Variants in FGF12 observed in about 807,000 individuals in gnomAD.
FGF12 encodes the protein fibroblast growth factor 12B.
A neutral mutation model predicts 23.6 loss-of-function variants in FGF12; 14 were observed. The observed-to-expected ratio is 0.59, with a 90% CI of 0.39 to 0.93. The LOEUF is 0.93. Among genes scored for constraint, FGF12 ranks in the 40% least tolerant of loss-of-function variants. The pLI is 0.00. For synonymous variants in FGF12, 62 were observed against 77.3 expected (o/e 0.80, Z 1.04); for missense variants, 175 against 217.8 (o/e 0.80, Z 1.24).
intron 2 of FGF12, among the ~76,000 whole-genome samples, chr3:192,394,809 A>G (rs1720451055): frequency 6.6e-6 from 1 of 152,252 alleles, no homozygotes; most frequent in Non-Finnish European, 1.5e-5. Flanking sequence ...AGACTTATTT[A>G]ATGCTGCTAT....
At chr3:192,231,260 C>T (rs1298961413) in intron 4 of FGF12, among the ~76,000 whole-genome samples, 1 of 151,884 alleles carries the variant, frequency 6.6e-6, no homozygotes, top group African/African-American at 2.4e-5. Flanking sequence ...TCTGAAAATG[C>T]CTATTTAGAT....
intron 4 of FGF12, among the ~76,000 whole-genome samples, chr3:192,189,862 T>C (rs1373819944): frequency 6.6e-6 from 1 of 152,180 alleles, no homozygotes; most frequent in Non-Finnish European, 1.5e-5. Context: ...CAAAGAGGAT[T>C]CTGGTTTGGC....
chr3:192,184,267 C>T lies in FGF12; in HGVS notation c.229-13611G>A, dbSNP rs1716335904. Among the ~76,000 whole-genome samples, 3 of 152,154 alleles carry T rather than the reference C, an allele frequency of 2.0e-5. 1 individual carries two copies. Among genetic ancestry groups the T allele is most frequent in the Admixed American group, 2.0e-4 (3 of 15,280 alleles). ...TTTTACTTTTAATTCAGCATATTTT[C>T]CATTAATCAAATGACTGACCAATGT... On this transcript the variant is annotated intron_variant, in intron 4 of 5. Transcript: ENST00000445105.
At chr3:192,621,283 T>G (rs1201239650) in intron 2 of FGF12, among the ~76,000 whole-genome samples, 2 of 152,222 alleles carry the variant, frequency 1.3e-5, no homozygotes, top group African/African-American at 4.8e-5. Flanking sequence ...TATAATTTAT[T>G]TTCTGTCCAG....
rs1294093587 is a variant in FGF12, at chr3:192,408,991, CGCGGG to C, written c.14-48458_14-48454del. On this transcript the variant is annotated intron_variant, in intron 2 of 5. Transcript: ENST00000445105. This position sits in a 1 kb window ranked among gnomAD's most constrained non-coding sequence, Gnocchi z 7.3. ...CGGTTACCCGGAGTCTGGGTAGGGG[CGCGGG>C]GCGGGGGCAGCTGTTTCCAGCTGCG... 2 of 978,132 alleles carry C rather than the reference CGCGGG, an allele frequency of 2.0e-6. No individual in the cohort carries two copies. Among genetic ancestry groups the C allele is most frequent in the Non-Finnish European group, 2.4e-6 (2 of 827,722 alleles). 60.6% of individuals were successfully genotyped at this position (978,132 alleles called of 1,614,324 possible).
At chr3:192,239,839 T>C (rs1436752650) in intron 4 of FGF12, among the ~76,000 whole-genome samples, 1 of 152,232 alleles carries the variant, frequency 6.6e-6, no homozygotes, top group Non-Finnish European at 1.5e-5. Flanking sequence ...ACTGTTGTGA[T>C]AGACTACTAA....
chr3:192,576,601 A>C (rs1466976842), intron 2 of FGF12, among the ~76,000 whole-genome samples: 1 of 152,204 alleles, frequency 6.6e-6, no homozygotes, highest in Non-Finnish European at 1.5e-5. Context: ...TGATTAAATA[A>C]ATGATAATTA....
chr3:192,405,366 G>A (rs969657468), intron 2 of FGF12, among the ~76,000 whole-genome samples: 2 of 151,254 alleles, frequency 1.3e-5, no homozygotes, highest in African/African-American at 4.9e-5. Flanking sequence ...GATACTCAAT[G>A]TGTCAGCCCT....
chr3:192,399,483 A>C (rs1438483656), intron 2 of FGF12, among the ~76,000 whole-genome samples: 5 of 152,238 alleles, frequency 3.3e-5, no homozygotes, highest in Non-Finnish European at 5.9e-5. Context: ...TATCATAACA[A>C]CCAGAATGGG....
chr3:192,631,576 G>A (rs1371778861), intron 2 of FGF12, among the ~76,000 whole-genome samples: 2 of 152,204 alleles, frequency 1.3e-5, no homozygotes, highest in Non-Finnish European at 2.9e-5. Context: ...CATTCTTGCT[G>A]AAAGTAAGTG....
At chr3:192,344,619 T>G in intron 3 of FGF12, among the ~76,000 whole-genome samples, 1 of 152,184 alleles carries the variant, frequency 6.6e-6, no homozygotes, top group Non-Finnish European at 1.5e-5. Context: ...AAATTTTTCT[T>G]CTAAGCATTG....
intron 4 of FGF12, among the ~76,000 whole-genome samples, chr3:192,259,035 C>A (rs1319745612): frequency 6.6e-6 from 1 of 152,136 alleles, no homozygotes; most frequent in African/African-American, 2.4e-5. Flanking sequence ...AATATAAAAT[C>A]ATTCTCTTGA....
intron 2 of FGF12, among the ~76,000 whole-genome samples, chr3:192,459,082 T>C (rs1722775008): frequency 6.6e-6 from 1 of 152,216 alleles, no homozygotes; most frequent in African/African-American, 2.4e-5. Flanking sequence ...TATGTGTAAC[T>C]GTGAGTCCAA....
intron 2 of FGF12, among the ~76,000 whole-genome samples, chr3:192,397,524 G>A (rs964447438): frequency 3.9e-5 from 6 of 152,140 alleles, no homozygotes; most frequent in Non-Finnish European, 7.4e-5. Flanking sequence ...ATCCTTTGAA[G>A]CAACAAAGCA....
chr3:192,187,806 G>A (rs1168834085), intron 4 of FGF12, among the ~76,000 whole-genome samples: 1 of 151,636 alleles, frequency 6.6e-6, no homozygotes, highest in East Asian at 1.9e-4. Flanking sequence ...AGAAAACTAA[G>A]AAAAGAAAGT....
intron 2 of FGF12, among the ~76,000 whole-genome samples, chr3:192,413,392 G>A (rs755932479): frequency 3.9e-5 from 6 of 152,076 alleles, no homozygotes; most frequent in South Asian, 2.1e-4. Flanking sequence ...TGTTGGACAC[G>A]TTATTCAACC....
At chr3:192,590,869 G>A (rs1260003078) in intron 2 of FGF12, among the ~76,000 whole-genome samples, 4 of 151,910 alleles carry the variant, frequency 2.6e-5, no homozygotes, top group African/African-American at 9.7e-5. Context: ...TCCAGCCACA[G>A]TGATGACCTG....
chr3:192,669,602 T>TAAAAAAAAAAAAA lies in FGF12; in HGVS notation c.13+57566_13+57578dup, dbSNP rs59897483. 1.0e-4 allele frequency among the ~76,000 whole-genome samples: 6 copies of TAAAAAAAAAAAAA among 59,528 alleles called. 1 individual carries two copies. The highest frequency in any genetic ancestry group is 2.5e-4 in the African/African-American group (4 of 16,030). The allele number at this position is 59,528 out of a possible 152,430, so 39.1% of individuals were successfully genotyped here. A position where few individuals can be genotyped will look rare whatever the true frequency, so the allele number is the denominator to read the frequency against. Reference sequence around the variant, plus strand: ...CTGGAGACAGAGAAAGACTCTGTCTTAAAAAAAAAAAAAAAAAAAAAAAAA... The same window carrying TAAAAAAAAAAAAA: ...CTGGAGACAGAGAAAGACTCTGTCTTAAAAAAAAAAAAAAAAAAAAAAAAAAAAAAAAAAAAAA... On this transcript the variant is annotated intron_variant, in intron 2 of 5. Transcript: ENST00000445105.
At chr3:192,359,753 G>A (rs1288472169) in intron 3 of FGF12, among the ~76,000 whole-genome samples, 1 of 151,688 alleles carries the variant, frequency 6.6e-6, no homozygotes, top group Non-Finnish European at 1.5e-5. Flanking sequence ...TATATCCAGA[G>A]AAATTATTAT....
Sources: allele counts gnomAD v4.1 joint callset (sites outside exome capture counted in the v4.1 genomes callset), GRCh38; gene constraint gnomAD v4.1.1; non-coding constraint Gnocchi (gnomAD v3.1); transcripts MANE v1.5; gene names NCBI Gene and HGNC (gene_info 2026-07-23, HGNC 2026-07-21).